PPM1B: variants seen among roughly 807,000 people sequenced by gnomAD.
PPM1B encodes the protein protein phosphatase, Mg2+/Mn2+ dependent 1B, also known as protein phosphatase 1B.
In PPM1B, 22 loss-of-function variants were observed where a neutral mutation model predicts 43.0. The ratio of observed to expected loss-of-function variants is 0.51; its 90% confidence interval spans 0.37 to 0.73. The LOEUF is 0.73. PPM1B is among the 30% of genes least tolerant of loss of function. PPM1B has a pLI of 0.00. For synonymous variants in PPM1B, 217 were observed against 197.9 expected, an observed-to-expected ratio of 1.10 and a Z score of -0.81; for missense variants, 632 against 584.2, an observed-to-expected ratio of 1.08 and a Z score of -0.84.
downstream of PPM1B, among the ~76,000 whole-genome samples, chr2:44,246,008 C>T (rs948584254): frequency 1.3e-5 from 2 of 152,168 alleles, no homozygotes; most frequent in African/African-American, 4.8e-5. Context: ...TTTAACCCCA[C>T]CTATTAGGAT....
chr2:44,196,561 A>G (rs762586506), intron 1 of PPM1B, among the ~76,000 whole-genome samples: 7 of 152,222 alleles, frequency 4.6e-5, no homozygotes, highest in East Asian at 3.8e-4. Flanking sequence ...TAACTGCCCA[A>G]TCCACCCTTA....
At chr2:44,233,783 A>T (rs1246423866), downstream of PPM1B, 2 of 985,710 alleles carry the variant, frequency 2.0e-6, no homozygotes, top group East Asian at 1.1e-4. Context: ...TTGGTCTAAA[A>T]GGAATTATTG....
downstream of PPM1B, among the ~76,000 whole-genome samples, chr2:44,235,237 C>T (rs943361792): frequency 1.3e-5 from 2 of 152,168 alleles, no homozygotes; most frequent in Non-Finnish European, 2.9e-5. Context: ...ATGAATTAGT[C>T]ATTTGGAAAA....
intron 1 of PPM1B, among the ~76,000 whole-genome samples, chr2:44,183,301 T>C (rs983481289): frequency 6.6e-6 from 1 of 152,244 alleles, no homozygotes; most frequent in African/African-American, 2.4e-5. Context: ...GTTGTATTAC[T>C]TGCCAAGTGA....
intron 2 of PPM1B, among the ~76,000 whole-genome samples, chr2:44,207,259 T>C (rs1489573941): frequency 2.0e-5 from 3 of 152,136 alleles, no homozygotes; most frequent in African/African-American, 7.2e-5. Context: ...AAGGCATAAG[T>C]CTGAACCGAG....
intron 5 of PPM1B, among the ~76,000 whole-genome samples, chr2:44,223,502 G>A (rs1423447492): frequency 1.3e-5 from 2 of 151,970 alleles, no homozygotes; most frequent in African/African-American, 4.8e-5. Context: ...TTGCTATGGA[G>A]AAGACCTATA....
chr2:44,210,648 T>G (rs1050652233), intron 3 of PPM1B, among the ~76,000 whole-genome samples: 4 of 152,144 alleles, frequency 2.6e-5, no homozygotes, highest in Admixed American at 2.6e-4. Context: ...ATATATACTT[T>G]CTGTAACATT....
chr2:44,186,489 C>A (rs1403020605), intron 1 of PPM1B, among the ~76,000 whole-genome samples: 1 of 152,202 alleles, frequency 6.6e-6, no homozygotes, highest in Non-Finnish European at 1.5e-5. Context: ...CCGCCTCAGC[C>A]TCCCAGGTAG....
intron 1 of PPM1B, among the ~76,000 whole-genome samples, chr2:44,183,805 C>T (rs1261231824): frequency 6.6e-6 from 1 of 152,056 alleles, no homozygotes; most frequent in Non-Finnish European, 1.5e-5. Context: ...GTGGCGCGAT[C>T]TCGGCTCACT....
downstream of PPM1B, among the ~76,000 whole-genome samples, chr2:44,237,041 T>G (rs1404778121): frequency 6.6e-6 from 1 of 152,260 alleles, no homozygotes; most frequent in African/African-American, 2.4e-5. Flanking sequence ...ATTGTTAAGA[T>G]GAATTCAAGC....
chr2:44,179,878 G>A (rs932226752), intron 1 of PPM1B, among the ~76,000 whole-genome samples: 16 of 151,832 alleles, frequency 1.1e-4, no homozygotes, highest in Non-Finnish European at 2.1e-4. Flanking sequence ...GTGTGGTGGT[G>A]GGTGCCTGTA....
chr2:44,207,392 A>G (rs1233254584), intron 2 of PPM1B, among the ~76,000 whole-genome samples: 1 of 152,174 alleles, frequency 6.6e-6, no homozygotes, highest in African/African-American at 2.4e-5. Flanking sequence ...TACCACCTCC[A>G]CTGACTTTGT....
intron 1 of PPM1B, among the ~76,000 whole-genome samples, chr2:44,200,132 G>A (rs1668864984): frequency 6.6e-6 from 1 of 152,060 alleles, no homozygotes; most frequent in African/African-American, 2.4e-5. Flanking sequence ...AACATTTTAT[G>A]GTGTTTATTG....
intron 2 of PPM1B, among the ~76,000 whole-genome samples, 162 bp downstream of exon 2, chr2:44,202,207 C>G (rs1668972124): frequency 6.6e-6 from 1 of 152,072 alleles, no homozygotes; most frequent in Non-Finnish European, 1.5e-5. Flanking sequence ...CTTTGCCATC[C>G]TTGTTTGTCC....
chr2:44,186,451 C>T (rs1461831754), intron 1 of PPM1B, among the ~76,000 whole-genome samples: 6 of 152,220 alleles, frequency 3.9e-5, no homozygotes, highest in Admixed American at 3.9e-4. Flanking sequence ...TCACTGCACC[C>T]TCCACCTCCT....
chr2:44,209,403 G>T, intron 3 of PPM1B, 76 bp downstream of exon 3: 2 of 1,490,910 alleles, frequency 1.3e-6, no homozygotes, highest in Middle Eastern at 1.8e-4. Flanking sequence ...CACTTTTGTC[G>T]CCTGGGCGAC....
chr2:44,190,376 C>G (rs944932428), intron 1 of PPM1B, among the ~76,000 whole-genome samples: 3 of 152,070 alleles, frequency 2.0e-5, no homozygotes. Context: ...CCAGGCTGGT[C>G]TCAAACTCTT....
chr2:44,230,606 C>G lies in PPM1B; in HGVS notation c.1328C>G (p.Ala443Gly). 6.2e-7 allele frequency: 1 copy of G among 1,614,160 alleles called. No individual in the cohort carries two copies. Among genetic ancestry groups the G allele is most frequent in the Non-Finnish European group, 8.5e-7 (1 of 1,180,008 alleles). ...ACAGCTACTTCTTCGAACAGTGATGCTGGAAACCCAGTGACAATGCAGGAA... is the reference window on the plus strand; with the variant it reads ...ACAGCTACTTCTTCGAACAGTGATGGTGGAAACCCAGTGACAATGCAGGAA... ...AATATSSNSDAGNPVTMQESH... is the reference protein window; with the variant it reads ...AATATSSNSDGGNPVTMQESH... Residue 443 changes from alanine to glycine, a missense_variant, in exon 6 of 6, where the codon GCT becomes GGT. Physicochemically the swap from Ala to Gly is moderately conservative, Grantham distance 60. Coordinates refer to ENST00000282412, the MANE Select transcript of PPM1B (RefSeq NM_002706.6).
At chr2:44,192,571 G>A (rs1572702771) in intron 1 of PPM1B, among the ~76,000 whole-genome samples, 3 of 152,232 alleles carry the variant, frequency 2.0e-5, no homozygotes, top group African/African-American at 7.2e-5. Context: ...TCTTACATAT[G>A]TATTAGGTAT....
Sources: gnomAD v4.1 joint callset for allele counts (sites outside exome capture counted in the v4.1 genomes callset) on GRCh38, gnomAD v4.1.1 for gene constraint, MANE v1.5 for transcripts, NCBI Gene and HGNC (gene_info 2026-07-23, HGNC 2026-07-21) for gene names.